Variants in ERG observed in about 807,000 individuals in gnomAD.
The protein encoded by ERG is transcriptional regulator ERG.
ERG carries 9 observed loss-of-function variants against 55.3 expected under a neutral mutation model. The observed-to-expected ratio is 0.16, with a 90% CI of 0.10 to 0.28. The LOEUF (loss-of-function observed/expected upper bound fraction) is 0.28. ERG is among the 10% of genes least tolerant of loss of function. ERG has a pLI of 1.00. For missense variants in ERG, 434 were observed against 631.6 expected (o/e 0.69, Z 3.35); for synonymous variants, 223 against 237.3 (o/e 0.94, Z 0.55).
chr21:38,572,448 C>T (rs2059964940), intron 2 of ERG, among the ~76,000 whole-genome samples: 1 of 151,578 alleles, frequency 6.6e-6, no homozygotes, highest in South Asian at 2.1e-4. Context: ...AAACTTCTCG[C>T]ACATGAAATT....
At chr21:38,530,958 G>A (rs889397191) in intron 2 of ERG, among the ~76,000 whole-genome samples, 1 of 152,200 alleles carries the variant, frequency 6.6e-6, no homozygotes, top group African/African-American at 2.4e-5. Flanking sequence ...ACTACAGTCA[G>A]GCCAAACCTT....
At chr21:38,629,180 G>C (rs1219555663) in intron 1 of ERG, among the ~76,000 whole-genome samples, 5 of 152,178 alleles carry the variant, frequency 3.3e-5, no homozygotes, top group Admixed American at 1.3e-4. Flanking sequence ...ACCTGGATGA[G>C]AGGCCAGGAG....
downstream of ERG, among the ~76,000 whole-genome samples, chr21:38,375,725 T>G (rs1209319069): frequency 6.6e-6 from 1 of 152,210 alleles, no homozygotes; most frequent in Non-Finnish European, 1.5e-5. Flanking sequence ...TAGCCTGGGT[T>G]CATTTGGCTT....
At chr21:38,556,617 G>A (rs1395111209) in intron 2 of ERG, among the ~76,000 whole-genome samples, 1 of 152,012 alleles carries the variant, frequency 6.6e-6, no homozygotes, top group Non-Finnish European at 1.5e-5. Context: ...ACTCATTCCT[G>A]GTCAATGAAA....
chr21:38,409,543 C>A (rs566524661), intron 3 of ERG, among the ~76,000 whole-genome samples: 1 of 145,036 alleles, frequency 6.9e-6, no homozygotes, highest in South Asian at 2.2e-4. Flanking sequence ...AGTGGAAGTG[C>A]AGAGAGGTAG....
intron 3 of ERG, among the ~76,000 whole-genome samples, chr21:38,408,419 C>T (rs1053440412): frequency 6.6e-6 from 1 of 152,198 alleles, no homozygotes; most frequent in Non-Finnish European, 1.5e-5. Context: ...CCTACACTCA[C>T]GACCTCCTTT....
intron 1 of ERG, among the ~76,000 whole-genome samples, chr21:38,623,731 G>C (rs546497918): frequency 2.6e-5 from 4 of 152,276 alleles, no homozygotes; most frequent in African/African-American, 9.6e-5. Flanking sequence ...ATGTAAGTAA[G>C]GCAAAGGTTG....
intron 1 of ERG, among the ~76,000 whole-genome samples, chr21:38,490,358 T>C (rs1367776465): frequency 6.6e-6 from 1 of 152,204 alleles, no homozygotes; most frequent in East Asian, 1.9e-4. Context: ...TAACTTTGAT[T>C]GAGGAGCTTA....
chr21:38,542,105 G>A (rs979773514), intron 2 of ERG, among the ~76,000 whole-genome samples: 3 of 151,964 alleles, frequency 2.0e-5, no homozygotes, highest in African/African-American at 7.3e-5. Flanking sequence ...CTGCCTCCTG[G>A]GTTCAAGTGA....
At chr21:38,397,399 A>T (rs1389520347) in intron 6 of ERG, among the ~76,000 whole-genome samples, 1 of 152,090 alleles carries the variant, frequency 6.6e-6, no homozygotes, top group Non-Finnish European at 1.5e-5. Context: ...AGAGATCAAG[A>T]CCATCCTGAC....
chr21:38,646,888 T>A (rs1407325109), intron 1 of ERG, among the ~76,000 whole-genome samples: 1 of 152,176 alleles, frequency 6.6e-6, no homozygotes, highest in Non-Finnish European at 1.5e-5. Context: ...CCACATGACC[T>A]GCACTGTTAC....
At chr21:38,484,090 A>T (rs2059261850) in intron 1 of ERG, among the ~76,000 whole-genome samples, 1 of 152,148 alleles carries the variant, frequency 6.6e-6, no homozygotes, top group Non-Finnish European at 1.5e-5. Flanking sequence ...ATAGAACTTT[A>T]ACAACACACG....
rs1440185744 is a variant in ERG, at chr21:38,460,701, G to A, written c.19-15080C>T. 6.6e-6 allele frequency among the ~76,000 whole-genome samples: 1 copy of A among 152,150 alleles called. No homozygotes were observed. The highest frequency in any genetic ancestry group is 1.5e-5 in the Non-Finnish European group (1 of 68,020). ...GCTCCCACCCACCCATCCACTAATA[G>A]GGCAGCCTTTAGGGAAACTGACTTG... On this transcript the variant is annotated intron_variant, in intron 1 of 9. Coordinates refer to ENST00000288319, the MANE Select transcript of ERG (RefSeq NM_182918.4). The surrounding 1 kb of genome is among the most constrained non-coding windows in gnomAD (Gnocchi z 5.0).
chr21:38,465,695 G>T (rs1324058338), intron 1 of ERG, among the ~76,000 whole-genome samples: 2 of 152,136 alleles, frequency 1.3e-5, no homozygotes, highest in African/African-American at 4.8e-5. Context: ...TCTCGGGTTT[G>T]CTGCGTACTA....
intron 3 of ERG, 81 bp downstream of exon 3, chr21:38,423,329 G>C: frequency 6.9e-7 from 1 of 1,439,892 alleles, no homozygotes; most frequent in Non-Finnish European, 9.5e-7. Context: ...CCACAGGTGG[G>C]GGAGAAGAGC....
intron 1 of ERG, among the ~76,000 whole-genome samples, chr21:38,629,907 C>CAT (rs1467663492): frequency 2.0e-5 from 3 of 152,152 alleles, no homozygotes; most frequent in Admixed American, 6.5e-5. Flanking sequence ...CATACACGGG[C>CAT]ATATTACTCA....
chr21:38,439,282 A>C (rs944440143), intron 2 of ERG, among the ~76,000 whole-genome samples: 4 of 152,232 alleles, frequency 2.6e-5, no homozygotes, highest in Non-Finnish European at 5.9e-5. Flanking sequence ...CAGCCTGCTC[A>C]CGAGAAGACA....
At chr21:38,564,450 C>A (rs1430164417) in intron 2 of ERG, among the ~76,000 whole-genome samples, 1 of 152,072 alleles carries the variant, frequency 6.6e-6, no homozygotes, top group Non-Finnish European at 1.5e-5. Flanking sequence ...ACAATCTGCA[C>A]AACAAATATT....
chr21:38,456,569 C>T (rs538031428), intron 1 of ERG, among the ~76,000 whole-genome samples: 14 of 145,538 alleles, frequency 9.6e-5, no homozygotes, highest in Non-Finnish European at 2.1e-4. Flanking sequence ...GTCCAGGGGT[C>T]TCCTTCTTTT....
Sources: allele counts gnomAD v4.1 joint callset (sites outside exome capture counted in the v4.1 genomes callset), GRCh38; gene constraint gnomAD v4.1.1; non-coding constraint Gnocchi (gnomAD v3.1); transcripts MANE v1.5; gene names NCBI Gene and HGNC (gene_info 2026-07-23, HGNC 2026-07-21).